Variants in ARHGAP42 observed in about 807,000 individuals in gnomAD.
ARHGAP42 encodes Rho GTPase activating protein 42.
In ARHGAP42, 63 loss-of-function variants were observed where a neutral mutation model predicts 125.0. That is an observed-to-expected ratio of 0.50 (90% CI 0.41 to 0.62). The LOEUF is 0.62. ARHGAP42 is among the 20% of genes least tolerant of loss of function. The probability of loss-of-function intolerance (pLI) is 0.00; values close to 1 mark genes in which losing one functional copy is unlikely to be tolerated. For missense variants in ARHGAP42, 766 were observed against 1,024.2 expected, an observed-to-expected ratio of 0.75 and a Z score of 3.44; for synonymous variants, 339 against 351.0, an observed-to-expected ratio of 0.97 and a Z score of 0.38.
At chr11:100,866,150 T>C (rs1230859386) in intron 4 of ARHGAP42, among the ~76,000 whole-genome samples, 2 of 152,212 alleles carry the variant, frequency 1.3e-5, no homozygotes, top group Admixed American at 1.3e-4. Context: ...AAGAAACTAG[T>C]TTCTTTGCTC....
At chr11:100,973,902 G>A (rs1157632578) in intron 18 of ARHGAP42, among the ~76,000 whole-genome samples, 2 of 152,082 alleles carry the variant, frequency 1.3e-5, no homozygotes, top group African/African-American at 4.8e-5. Flanking sequence ...AATGATTAAG[G>A]CCTTCTCCTC....
intron 4 of ARHGAP42, among the ~76,000 whole-genome samples, chr11:100,887,754 A>G (rs1161375280): frequency 6.6e-6 from 1 of 152,222 alleles, no homozygotes; most frequent in African/African-American, 2.4e-5. Flanking sequence ...CAGTTGCAGA[A>G]AGCTGCCTTC....
intron 3 of ARHGAP42, among the ~76,000 whole-genome samples, chr11:100,818,985 T>A (rs1208768449): frequency 5.9e-5 from 9 of 151,910 alleles, no homozygotes; most frequent in Non-Finnish European, 1.5e-5. Context: ...GAAGAAAAAA[T>A]TTCATATAAT....
At chr11:100,845,155 G>A (rs772480786) in intron 3 of ARHGAP42, among the ~76,000 whole-genome samples, 13 of 148,174 alleles carry the variant, frequency 8.8e-5, no homozygotes, top group Non-Finnish European at 1.5e-4. Context: ...TATACATACA[G>A]TGGAATACTA....
intron 4 of ARHGAP42, among the ~76,000 whole-genome samples, chr11:100,909,947 C>T (rs12290272): frequency 0.092 from 13,940 of 152,090 alleles, 907 homozygotes; most frequent in Non-Finnish European, 0.13. Context: ...GCAAAGTTGA[C>T]GCTTGGAGTT....
intron 4 of ARHGAP42, among the ~76,000 whole-genome samples, chr11:100,904,724 A>G (rs1866673513): frequency 6.6e-6 from 1 of 152,194 alleles, no homozygotes; most frequent in Non-Finnish European, 1.5e-5. Context: ...TTACTTTGCA[A>G]GGAACATGGA....
In ARHGAP42 at chr11:100,936,253, A is replaced by G. The variant is rs1734050522; in HGVS notation, c.753A>G (p.Gln251=). The change falls in exon 8 of 24, where the codon CAA becomes CAG. Residue 251 remains glutamine (Q), a synonymous_variant. Transcript: ENST00000298815. Reference sequence around the variant, plus strand: ...GACAAGAGGTAGAGCGGTTGATGCAAAGGATGAAATCTGCTAACCAGGACT... The same window carrying G: ...GACAAGAGGTAGAGCGGTTGATGCAGAGGATGAAATCTGCTAACCAGGACT... ...STRQEVERLM[Q]RMKSANQDYR... 5 of 1,551,760 alleles carry G rather than the reference A, an allele frequency of 3.2e-6. No individual in the cohort carries two copies. The highest frequency in any genetic ancestry group is 4.4e-6 in the Non-Finnish European group (5 of 1,146,950).
At chr11:100,778,639 A>T (rs1208338881) in intron 2 of ARHGAP42, among the ~76,000 whole-genome samples, 2 of 152,108 alleles carry the variant, frequency 1.3e-5, no homozygotes, top group African/African-American at 4.8e-5. Context: ...CAGCTGGGAA[A>T]GTTGCACATT....
At chr11:100,883,031 T>C (rs541190196) in intron 4 of ARHGAP42, among the ~76,000 whole-genome samples, 1 of 152,340 alleles carries the variant, frequency 6.6e-6, no homozygotes, top group African/African-American at 2.4e-5. Flanking sequence ...TTTATTTATC[T>C]TTTCAAAGAA....
chr11:100,969,883 A>G (rs1415567592), intron 17 of ARHGAP42, among the ~76,000 whole-genome samples: 1 of 152,088 alleles, frequency 6.6e-6, no homozygotes, highest in Non-Finnish European at 1.5e-5. Context: ...GCATTGTCAT[A>G]CTTTTTGGTT....
Position 100,757,862 on chromosome 11 carries a change from G to T in ARHGAP42, c.155-12481G>T, listed in dbSNP as rs558407821. Among the ~76,000 whole-genome samples, 16 of 152,230 alleles carry T rather than the reference G, an allele frequency of 1.1e-4. No individual in the cohort carries two copies. In the South Asian group the frequency reaches 3.3e-3, roughly 32 times the overall value. ...ACAGTGTGCTTTTTTGTTTCTTTTT[G>T]GAAGGATGAGGCATGATGCCAGCAT... On this transcript the variant is annotated intron_variant, in intron 1 of 23. Coordinates refer to ENST00000298815, the MANE Select transcript of ARHGAP42 (RefSeq NM_152432.4).
intron 1 of ARHGAP42, among the ~76,000 whole-genome samples, chr11:100,750,124 C>T (rs931216195): frequency 1.3e-5 from 2 of 152,110 alleles, no homozygotes; most frequent in South Asian, 4.1e-4. Context: ...CTGGATGAGC[C>T]CCCAAATTGT....
chr11:100,984,042 C>T (rs659034), intron 22 of ARHGAP42, among the ~76,000 whole-genome samples: 39,309 of 151,314 alleles, frequency 0.26, 6,292 homozygotes, highest in East Asian at 0.69. Context: ...ACCTGAGCTC[C>T]GGAAGTCGAG....
intron 1 of ARHGAP42, among the ~76,000 whole-genome samples, chr11:100,710,012 G>T (rs985885040): frequency 6.6e-6 from 1 of 152,122 alleles, no homozygotes; most frequent in Admixed American, 6.5e-5. Context: ...AATTCAGCGG[G>T]GTCGGGGGGG....
chr11:100,888,931 C>G (rs905023280), intron 4 of ARHGAP42, among the ~76,000 whole-genome samples: 3 of 152,198 alleles, frequency 2.0e-5, no homozygotes, highest in African/African-American at 7.2e-5. Flanking sequence ...AATATCACTA[C>G]AGTAGAAGCT....
chr11:100,921,665 C>G, intron 6 of ARHGAP42, 61 bp downstream of exon 6: 1 of 988,356 alleles, frequency 1.0e-6, no homozygotes. Flanking sequence ...AAAAAGTACA[C>G]TGTTTTTTCT....
At chr11:100,730,442 A>T (rs1024962811) in intron 1 of ARHGAP42, among the ~76,000 whole-genome samples, 25 of 152,264 alleles carry the variant, frequency 1.6e-4, no homozygotes, top group African/African-American at 5.1e-4. Context: ...ACCAAGAATG[A>T]CCTCTTTAGG....
chr11:100,973,816 G>A (rs1401664392), intron 18 of ARHGAP42, among the ~76,000 whole-genome samples: 1 of 152,172 alleles, frequency 6.6e-6, no homozygotes, highest in Non-Finnish European at 1.5e-5. Context: ...GAATTAGTTG[G>A]AGTATTAAGC....
chr11:100,708,083 A>G (rs1422280832), intron 1 of ARHGAP42, among the ~76,000 whole-genome samples: 1 of 152,206 alleles, frequency 6.6e-6, no homozygotes, highest in Non-Finnish European at 1.5e-5. Context: ...GAGTAGCCCT[A>G]GTAAGTCATT....
Sources: allele counts gnomAD v4.1 joint callset (sites outside exome capture counted in the v4.1 genomes callset), GRCh38; gene constraint gnomAD v4.1.1; transcripts MANE v1.5; gene names NCBI Gene and HGNC (gene_info 2026-07-23, HGNC 2026-07-21).